Variants in FAT3 observed in about 807,000 individuals in gnomAD.
FAT3 encodes protocadherin Fat 3.
Under a neutral mutation model 310.2 loss-of-function variants are expected in FAT3, and 95 were observed. The observed-to-expected ratio is 0.31, with a 90% CI of 0.26 to 0.36. FAT3 has a LOEUF of 0.36. Among genes scored for constraint, FAT3 ranks in the 10% least tolerant of loss-of-function variants. The pLI is 1.00. For missense variants in FAT3, 5,408 were observed against 5,715.6 expected, an observed-to-expected ratio of 0.95 and a Z score of 1.74; for synonymous variants, 2,314 against 2,192.9, an observed-to-expected ratio of 1.06 and a Z score of -1.54.
At chr11:92,375,688 G>A (rs1949323070) in intron 2 of FAT3, among the ~76,000 whole-genome samples, 1 of 152,138 alleles carries the variant, frequency 6.6e-6, no homozygotes, top group Non-Finnish European at 1.5e-5. Flanking sequence ...CTGAGACATG[G>A]AGTTACTGAC....
intron 1 of FAT3, among the ~76,000 whole-genome samples, chr11:92,266,742 G>A (rs552914518): frequency 6.6e-6 from 1 of 152,228 alleles, no homozygotes; most frequent in South Asian, 2.1e-4. Context: ...TGTAGAGAGA[G>A]TGTTTCTTCT....
rs1470658437 is a variant in FAT3 at position 92,844,142 on chromosome 11, A to G, written c.10775A>G (p.Gln3592Arg). The G allele has an allele frequency of 6.2e-7, 1 of 1,613,946 alleles. No homozygotes were observed. The highest frequency in any genetic ancestry group is 1.7e-5 in the Admixed American group (1 of 60,006). ...CTCACATTTGCCCTGAAATCGGAGCAGAAAAGCTTATTTAAAGTGAACAGT... is the reference window on the plus strand; with the variant it reads ...CTCACATTTGCCCTGAAATCGGAGCGGAAAAGCTTATTTAAAGTGAACAGT... The part of the protein sequence containing the change: ...DVLTFALKSE[Q>R]KSLFKVNSHD... Residue 3592 changes from glutamine to arginine, a missense_variant, in exon 19 of 28, where the codon CAG becomes CGG. By Grantham distance (43) the Gln-to-Arg change is conservative. This residue lies in a region of FAT3 where 4,588 missense variants were observed against 4,809.8 expected (regional missense o/e 0.95). Coordinates refer to ENST00000525166, the MANE Select transcript of FAT3 (RefSeq NM_001367949.2).
intron 3 of FAT3, among the ~76,000 whole-genome samples, chr11:92,544,593 C>A (rs1954557851): frequency 6.6e-6 from 1 of 152,138 alleles, no homozygotes; most frequent in South Asian, 2.1e-4. Context: ...TCTGCCATCA[C>A]CTGCCACCCC....
chr11:92,449,404 G>A (rs1742879978), intron 2 of FAT3, among the ~76,000 whole-genome samples: 1 of 152,124 alleles, frequency 6.6e-6, no homozygotes, highest in African/African-American at 2.4e-5. Context: ...GAGGGGCAGT[G>A]GAATCGGGTT....
At chr11:92,599,393 A>C (rs1365135240) in intron 3 of FAT3, among the ~76,000 whole-genome samples, 1 of 152,162 alleles carries the variant, frequency 6.6e-6, no homozygotes, top group Non-Finnish European at 1.5e-5. Context: ...AACAACATGG[A>C]GGTAACTGCC....
At chr11:92,485,558 G>A (rs1008389379) in intron 2 of FAT3, among the ~76,000 whole-genome samples, 6 of 152,134 alleles carry the variant, frequency 3.9e-5, no homozygotes, top group African/African-American at 1.2e-4. Flanking sequence ...ACACAGAAAC[G>A]AAAGGGCCTA....
intron 2 of FAT3, chr11:92,366,465 C>T: frequency 2.5e-6 from 1 of 401,624 alleles, no homozygotes; most frequent in Non-Finnish European, 4.9e-6. Flanking sequence ...AGGGAGGGTG[C>T]TCCTGGGGAC....
chr11:92,386,972 C>T (rs889974649), intron 2 of FAT3, among the ~76,000 whole-genome samples: 4 of 151,980 alleles, frequency 2.6e-5, no homozygotes, highest in African/African-American at 9.7e-5. Flanking sequence ...CTGTTGCCAC[C>T]GTCTTGTTAG....
Position 92,350,353 on chromosome 11 carries a change from GAT to G in FAT3, c.-17-1742_-17-1741del, listed in dbSNP as rs775877189. ...TTTTAATATGTTAAACTCCTGTAGGGATTTTTTTTTTTTTCAGTTTGCAGCCA... is the reference window on the plus strand; with the variant it reads ...TTTTAATATGTTAAACTCCTGTAGGGTTTTTTTTTTTTCAGTTTGCAGCCA... On this transcript the variant is annotated intron_variant, in intron 1 of 27. Transcript: ENST00000525166. Among the ~76,000 whole-genome samples the G allele has an allele frequency of 3.2e-3, 484 of 150,294 alleles. 2 individuals carry two copies. The highest frequency in any genetic ancestry group is 5.4e-3 in the Non-Finnish European group (367 of 67,712).
intron 3 of FAT3, among the ~76,000 whole-genome samples, chr11:92,673,228 T>C (rs1173533345): frequency 6.6e-6 from 1 of 152,196 alleles, no homozygotes; most frequent in East Asian, 1.9e-4. Context: ...CAGCTCATAT[T>C]TGGGGCTCCG....
At chr11:92,243,499 T>C (rs1864753686) in intron 1 of FAT3, among the ~76,000 whole-genome samples, 1 of 152,114 alleles carries the variant, frequency 6.6e-6, no homozygotes, top group African/African-American at 2.4e-5. Flanking sequence ...TTTTAGAAAC[T>C]TGTCTTTTTC....
intron 7 of FAT3, among the ~76,000 whole-genome samples, chr11:92,783,682 T>C (rs945595636): frequency 1.3e-5 from 2 of 151,970 alleles, no homozygotes; most frequent in African/African-American, 4.8e-5. Context: ...TGCAGTCCAA[T>C]TGTCCCAGCT....
At chr11:92,795,679 G>A (rs972689354) in intron 9 of FAT3, among the ~76,000 whole-genome samples, 8 of 152,064 alleles carry the variant, frequency 5.3e-5, no homozygotes, top group African/African-American at 9.7e-5. Flanking sequence ...TGGAGGCCAA[G>A]GCAGGTGGAT....
intron 13 of FAT3, among the ~76,000 whole-genome samples, chr11:92,812,867 T>C (rs1208947731): frequency 6.6e-6 from 1 of 152,158 alleles, no homozygotes; most frequent in African/African-American, 2.4e-5. Flanking sequence ...ATATCTTGAA[T>C]TGTAGTTTCC....
rs1330067483 is a variant in FAT3, at chr11:92,893,635, C to A, written c.*2522C>A. The A allele has an allele frequency of 2.0e-5, 3 of 152,196 alleles. No homozygotes were observed. The highest frequency in any genetic ancestry group is 2.9e-5 in the Non-Finnish European group (2 of 68,028). 9.4% of individuals were successfully genotyped at this position (152,196 alleles called of 1,614,324 possible). Reference sequence around the variant, plus strand: ...GCCACTGAAGAAAATTGTGCCCACCCTTTGCTGTGACCTATATAAAATATC... The same window carrying A: ...GCCACTGAAGAAAATTGTGCCCACCATTTGCTGTGACCTATATAAAATATC... On this transcript the variant is annotated 3_prime_UTR_variant, in exon 28 of 28. Coordinates refer to ENST00000525166, the MANE Select transcript of FAT3 (RefSeq NM_001367949.2).
At chr11:92,768,439 C>T (rs547980575) in intron 6 of FAT3, among the ~76,000 whole-genome samples, 34 of 152,346 alleles carry the variant, frequency 2.2e-4, no homozygotes, top group African/African-American at 5.3e-4. Context: ...ATATGGTCCA[C>T]GTTCCACCAA....
intron 3 of FAT3, among the ~76,000 whole-genome samples, chr11:92,628,723 C>T (rs755424530): frequency 6.6e-6 from 1 of 152,194 alleles, no homozygotes; most frequent in African/African-American, 2.4e-5. Flanking sequence ...TGTCTTTTTG[C>T]TTATCCTTCC....
intron 3 of FAT3, among the ~76,000 whole-genome samples, chr11:92,563,723 G>A (rs1409032858): frequency 6.6e-6 from 1 of 151,838 alleles, no homozygotes; most frequent in African/African-American, 2.4e-5. Flanking sequence ...AGAGAGTGGG[G>A]GCCAAAATTC....
intron 13 of FAT3, among the ~76,000 whole-genome samples, chr11:92,819,445 C>T (rs915076955): frequency 6.6e-6 from 1 of 152,170 alleles, no homozygotes. Flanking sequence ...TGATAATTTG[C>T]GTTTCAGACT....
Sources: gnomAD v4.1 joint callset for allele counts (sites outside exome capture counted in the v4.1 genomes callset) on GRCh38, gnomAD v4.1.1 for gene constraint, gnomAD v4.1.1 regional missense constraint, MANE v1.5 for transcripts, NCBI Gene and HGNC (gene_info 2026-07-23, HGNC 2026-07-21) for gene names.